JAKMIP2: variants seen among roughly 807,000 people sequenced by gnomAD.
The protein encoded by JAKMIP2 is janus kinase and microtubule-interacting protein 2.
JAKMIP2 carries 25 observed loss-of-function variants against 115.0 expected under a neutral mutation model. The observed-to-expected ratio is 0.22, with a 90% CI of 0.16 to 0.30. JAKMIP2 has a LOEUF of 0.30. Ranked by LOEUF, JAKMIP2 falls within the 10% of genes least tolerant of loss-of-function variation. JAKMIP2 has a pLI of 1.00. For missense variants in JAKMIP2, 642 were observed against 957.6 expected (o/e 0.67, Z 4.35); for synonymous variants, 334 against 343.6 (o/e 0.97, Z 0.31).
intron 5 of JAKMIP2, 145 bp from the exon 6 acceptor site, chr5:147,645,141 T>A (rs1033412487): frequency 1.4e-6 from 1 of 702,224 alleles, no homozygotes; most frequent in African/African-American, 1.8e-5. Context: ...GACATTTCAA[T>A]CCTTCATTTA....
chr5:147,775,414 A>G (rs1222077944), intron 1 of JAKMIP2, among the ~76,000 whole-genome samples: 4 of 152,210 alleles, frequency 2.6e-5, no homozygotes, highest in African/African-American at 9.6e-5. Context: ...TGCTGCTTAT[A>G]ATAATTAAAT....
At chr5:147,657,603 A>C (rs1758743377) in intron 3 of JAKMIP2, among the ~76,000 whole-genome samples, 1 of 152,024 alleles carries the variant, frequency 6.6e-6, no homozygotes, top group Non-Finnish European at 1.5e-5. Context: ...GTATTTTCCA[A>C]CTTGATTCCA....
rs1753209080 is a variant in JAKMIP2 at position 147,720,219 on chromosome 5, CT to C, written c.-148-48266del. Among the ~76,000 whole-genome samples, 6 of 152,228 alleles carry C rather than the reference CT, an allele frequency of 3.9e-5. 1 individual carries two copies. In the South Asian group the frequency reaches 1.2e-3, roughly 32 times the overall value. ...TGTAGGGTTTCTGCCGATAAATCTG[CT>C]GTTAGTCTGATGGGCTTCCCTTTGA... On this transcript the variant is annotated intron_variant, in intron 1 of 21. Transcript: ENST00000616793.
chr5:147,660,005 A>G (rs1220030941), intron 3 of JAKMIP2, among the ~76,000 whole-genome samples: 2 of 152,336 alleles, frequency 1.3e-5, no homozygotes, highest in African/African-American at 4.8e-5. Context: ...ACAAAAAAGG[A>G]AAAGTGTAGT....
At chr5:147,621,210 C>A (rs1306111139) in intron 17 of JAKMIP2, among the ~76,000 whole-genome samples, 2 of 152,074 alleles carry the variant, frequency 1.3e-5, no homozygotes, top group African/African-American at 2.4e-5. Flanking sequence ...GTGATTCCAC[C>A]CACACTGCTG....
At chr5:147,739,225 AGAAAT>A (rs1286032011) in intron 1 of JAKMIP2, among the ~76,000 whole-genome samples, 1 of 152,162 alleles carries the variant, frequency 6.6e-6, no homozygotes, top group Non-Finnish European at 1.5e-5. Flanking sequence ...AGGGCAGCAG[AGAAAT>A]GCACGAGCGG....
At chr5:147,647,031 T>G (rs900622086) in intron 5 of JAKMIP2, among the ~76,000 whole-genome samples, 1 of 152,050 alleles carries the variant, frequency 6.6e-6, no homozygotes, top group Non-Finnish European at 1.5e-5. Context: ...CTGCAACTAA[T>G]AATTACAGAG....
chr5:147,741,195 A>T (rs1754130582), intron 1 of JAKMIP2, among the ~76,000 whole-genome samples: 1 of 152,196 alleles, frequency 6.6e-6, no homozygotes, highest in South Asian at 2.1e-4. Context: ...TTTTACCTAA[A>T]TACTAAAATA....
chr5:147,669,457 C>T (rs976556705), intron 2 of JAKMIP2, among the ~76,000 whole-genome samples: 1 of 152,308 alleles, frequency 6.6e-6, no homozygotes, highest in South Asian at 2.1e-4. Context: ...GATAAACAGG[C>T]AGCCTGGTTC....
intron 12 of JAKMIP2, among the ~76,000 whole-genome samples, chr5:147,634,426 G>C (rs1757512288): frequency 6.6e-6 from 1 of 152,176 alleles, no homozygotes; most frequent in South Asian, 2.1e-4. Flanking sequence ...AATAAATGTA[G>C]TCGAGTTTTC....
intron 1 of JAKMIP2, among the ~76,000 whole-genome samples, chr5:147,773,640 A>C (rs1178691225): frequency 6.6e-6 from 1 of 152,142 alleles, no homozygotes; most frequent in South Asian, 2.1e-4. Context: ...AAAGAGATTA[A>C]ACAGTATATA....
intron 1 of JAKMIP2, among the ~76,000 whole-genome samples, chr5:147,700,059 T>C (rs1490333842): frequency 6.6e-6 from 1 of 152,184 alleles, no homozygotes; most frequent in Non-Finnish European, 1.5e-5. Context: ...AAAACCTCTT[T>C]GGAGAAACAC....
In JAKMIP2 at chr5:147,585,565, A is replaced by G. The variant is rs1724344891; in HGVS notation, c.*6142T>C. 1 of 152,232 alleles carries G rather than the reference A, an allele frequency of 6.6e-6. No individual in the cohort carries two copies. Among genetic ancestry groups the G allele is most frequent in the Non-Finnish European group, 1.5e-5 (1 of 68,050 alleles). The allele number at this position is 152,232 out of a possible 1,614,324, so 9.4% of individuals were successfully genotyped here. A position where few individuals can be genotyped will look rare whatever the true frequency, so the allele number is the denominator to read the frequency against. ...ACTTTACATACAGTAAGTTGATTCC[A>G]ATCTCTACGGTAATACATACAGTAC... is the stretch of plus-strand genomic sequence containing the variant. On this transcript the variant is annotated 3_prime_UTR_variant, in exon 22 of 22. Transcript: ENST00000616793.
chr5:147,709,249 A>G (rs1752688420), intron 1 of JAKMIP2, among the ~76,000 whole-genome samples: 1 of 152,220 alleles, frequency 6.6e-6, no homozygotes, highest in Admixed American at 6.5e-5. Flanking sequence ...TCAGTATCCA[A>G]TGAGAATGTT....
chr5:147,751,074 C>CT (rs60288356), intron 1 of JAKMIP2, among the ~76,000 whole-genome samples: 1,796 of 143,256 alleles, frequency 0.013, 22 homozygotes, highest in African/African-American at 0.032. Context: ...GTCAGAATGA[C>CT]TTTTTTTTTT....
At chr5:147,709,706 C>A (rs559444802) in intron 1 of JAKMIP2, among the ~76,000 whole-genome samples, 1 of 152,110 alleles carries the variant, frequency 6.6e-6, no homozygotes, top group South Asian at 2.1e-4. Context: ...AAAATTGAGA[C>A]AGGAGTGGTG....
chr5:147,776,877 A>C (rs543033947), intron 1 of JAKMIP2, among the ~76,000 whole-genome samples: 5 of 152,284 alleles, frequency 3.3e-5, no homozygotes, highest in Non-Finnish European at 7.4e-5. Context: ...GCAGTGAGCC[A>C]AGACCATGCC....
chr5:147,603,493 C>T (rs1342571612), intron 20 of JAKMIP2, among the ~76,000 whole-genome samples: 1 of 152,158 alleles, frequency 6.6e-6, no homozygotes, highest in African/African-American at 2.4e-5. Context: ...TGGGTGTTCA[C>T]GTACCACAAG....
chr5:147,716,113 T>C (rs1380574568), intron 1 of JAKMIP2, among the ~76,000 whole-genome samples: 2 of 147,618 alleles, frequency 1.4e-5, no homozygotes, highest in Non-Finnish European at 3.0e-5. Context: ...TTTGTTCTTG[T>C]GATAGTTTAC....
Sources: allele counts gnomAD v4.1 joint callset (sites outside exome capture counted in the v4.1 genomes callset), GRCh38; gene constraint gnomAD v4.1.1; transcripts MANE v1.5; gene names NCBI Gene and HGNC (gene_info 2026-07-23, HGNC 2026-07-21).